Variants in KCNC4 observed in about 807,000 individuals in gnomAD.
KCNC4 encodes voltage-gated potassium channel KCNC4.
In KCNC4, 23 loss-of-function variants were observed where a neutral mutation model predicts 42.8. The observed-to-expected ratio is 0.54, with a 90% CI of 0.39 to 0.76. KCNC4 has a LOEUF of 0.76. KCNC4 is among the 30% of genes least tolerant of loss of function. The pLI, the probability that KCNC4 is intolerant of heterozygous loss-of-function variation, is 0.00. For synonymous variants in KCNC4, 422 were observed against 393.5 expected (o/e 1.07, Z -0.86); for missense variants, 751 against 898.2 (o/e 0.84, Z 2.10).
intron 1 of KCNC4, among the ~76,000 whole-genome samples, chr1:110,276,299 C>CAAAAAAAAAAAAAAAAAAAA (rs3062031): frequency 2.0e-5 from 2 of 98,896 alleles, no homozygotes; most frequent in Non-Finnish European, 2.1e-5. Flanking sequence ...TCAATTTATA[C>CAAAAAAAAAAAAAAAAAAAA]AAAAAAAAAA....
rs889016645 is a variant in KCNC4 at position 110,210,729 on chromosome 1, C to A, written c.-771C>A. ...CGGCCCCCGCAGCGCTGCGCCCGGT[C>A]CGGCGCAGCTCCCAGCCGCGGACGC... On this transcript the variant is annotated 5_prime_UTR_variant, in exon 1 of 4. Transcript: ENST00000438661. Among the ~76,000 whole-genome samples, 1 of 151,378 alleles carries A rather than the reference C, an allele frequency of 6.6e-6. No homozygotes were observed. Among genetic ancestry groups the A allele is most frequent in the Admixed American group, 6.6e-5 (1 of 15,194 alleles).
At chr1:110,270,460 T>G (rs1171039483) in intron 1 of KCNC4, among the ~76,000 whole-genome samples, 1 of 152,220 alleles carries the variant, frequency 6.6e-6, no homozygotes, top group East Asian at 1.9e-4. Flanking sequence ...GAGGCTATAC[T>G]AATAATCTCA....
chr1:110,258,975 C>T (rs560535381), intron 1 of KCNC4, among the ~76,000 whole-genome samples: 4 of 152,328 alleles, frequency 2.6e-5, no homozygotes, highest in African/African-American at 7.2e-5. Flanking sequence ...GCTGCATGCC[C>T]ATCTGGACTC....
intron 1 of KCNC4, 75 bp from the exon 2 acceptor site, chr1:110,222,889 A>C: frequency 9.1e-7 from 1 of 1,099,824 alleles, no homozygotes; most frequent in South Asian, 1.4e-5. Context: ...ACCTTCATGC[A>C]GAAGTCCACG....
At chr1:110,261,061 A>G (rs761347544) in intron 1 of KCNC4, among the ~76,000 whole-genome samples, 5 of 152,254 alleles carry the variant, frequency 3.3e-5, no homozygotes, top group Non-Finnish European at 5.9e-5. Context: ...AAATTTCCCA[A>G]TTAGTAAGAT....
chr1:110,236,793 C>A (rs1010750735), downstream of KCNC4: 42 of 152,266 alleles, frequency 2.8e-4, no homozygotes, highest in African/African-American at 9.1e-4. Flanking sequence ...AACCTGATCC[C>A]AACTACCAGG....
chr1:110,280,426 G>A (rs915711319), intron 1 of KCNC4, among the ~76,000 whole-genome samples: 1 of 152,054 alleles, frequency 6.6e-6, no homozygotes, highest in Non-Finnish European at 1.5e-5. Context: ...GCTAAGGGAA[G>A]GTGTCTTCCC....
intron 1 of KCNC4, among the ~76,000 whole-genome samples, chr1:110,265,228 A>G (rs1557873940): frequency 1.3e-5 from 2 of 151,986 alleles, no homozygotes; most frequent in Non-Finnish European, 2.9e-5. Context: ...TCAGAGAAAG[A>G]TCTCGTTTAT....
chr1:110,244,764 G>A (rs1167679916), exon 4 of KCNC4: 2 of 152,246 alleles, frequency 1.3e-5, no homozygotes, highest in African/African-American at 4.8e-5. Context: ...TAGAATTCAG[G>A]TCAGCTCTAC....
At chr1:110,281,081 G>A (rs1019589375) in intron 1 of KCNC4, among the ~76,000 whole-genome samples, 12 of 152,060 alleles carry the variant, frequency 7.9e-5, no homozygotes, top group African/African-American at 2.4e-4. Flanking sequence ...GTGGTGGTGC[G>A]GGGGCTTCTG....
intron 1 of KCNC4, among the ~76,000 whole-genome samples, chr1:110,270,972 C>G (rs1052437892): frequency 6.6e-6 from 1 of 152,192 alleles, no homozygotes. Context: ...ATGGAACCCT[C>G]TTGAAAGATC....
chr1:110,277,473 C>T (rs1659745088), intron 1 of KCNC4, among the ~76,000 whole-genome samples: 1 of 152,324 alleles, frequency 6.6e-6, no homozygotes, highest in South Asian at 2.1e-4. Context: ...AGCTCATCTG[C>T]TACCAACCTT....
At chr1:110,280,499 CAGTCTACA>C (rs1659803210) in intron 1 of KCNC4, among the ~76,000 whole-genome samples, 1 of 151,970 alleles carries the variant, frequency 6.6e-6, no homozygotes, top group African/African-American at 2.4e-5. Flanking sequence ...AACAGGTCCT[CAGTCTACA>C]ACTCTGCGAA....
rs115440162 is a variant in KCNC4 at position 110,224,433 on chromosome 1, G to A, written c.1615+533G>A. The A allele has an allele frequency of 7.0e-3, 1,091 of 155,404 alleles. 15 individuals carry two copies. Among genetic ancestry groups the A allele is most frequent in the African/African-American group, 0.024 (1,016 of 41,572 alleles). The allele number at this position is 155,404 out of a possible 1,614,324, so 9.6% of individuals were successfully genotyped here. A position where few individuals can be genotyped will look rare whatever the true frequency, so the allele number is the denominator to read the frequency against. Reference sequence around the variant, plus strand: ...ATGAATCACTTCTTTGCAAACGTTCGAGTCTGGTATCTTGGCCTAATAAAT... The same window carrying A: ...ATGAATCACTTCTTTGCAAACGTTCAAGTCTGGTATCTTGGCCTAATAAAT... On this transcript the variant is annotated intron_variant, in intron 2 of 3. Coordinates refer to ENST00000438661, the MANE Select transcript of KCNC4 (RefSeq NM_001039574.3).
chr1:110,237,855 C>CA (rs1268215483), downstream of KCNC4: 1 of 152,316 alleles, frequency 6.6e-6, no homozygotes, highest in Non-Finnish European at 1.5e-5. Flanking sequence ...GTTGTGATGC[C>CA]ATCCAGTGCC....
At chr1:110,232,719 A>G (rs774932957) in intron 3 of KCNC4, 192 bp from the exon 4 acceptor site, 86 of 1,508,414 alleles carry the variant, frequency 5.7e-5, no homozygotes, top group Non-Finnish European at 7.2e-5. Context: ...TGGGTTCCTC[A>G]TGCCTTCCAG....
In KCNC4 at chr1:110,223,373, A is replaced by G; in HGVS notation, c.1088A>G (p.His363Arg). The change falls in exon 2 of 4, where the codon CAC becomes CGC. Residue 363 changes from histidine (H) to arginine (R), a missense_variant. This residue lies in a region of KCNC4 where 185 missense variants were observed against 293.7 expected (regional missense o/e 0.63). Transcript: ENST00000438661. This position sits in a 1 kb window ranked among gnomAD's most constrained non-coding sequence, Gnocchi z 7.5. ...RILRIFKLTR[H>R]FVGLRVLGHT... is the part of the protein sequence containing the mutation. ...CTGCGTATCTTCAAGCTCACACGCC[A>G]CTTCGTGGGGCTACGCGTGCTGGGC... The G allele has an allele frequency of 1.2e-6, 2 of 1,613,768 alleles. No homozygotes were observed. The highest frequency in any genetic ancestry group is 1.1e-5 in the South Asian group (1 of 91,086).
chr1:110,223,775 C>A lies in KCNC4; in HGVS notation c.1490C>A (p.Pro497Gln), dbSNP rs1267697877. 1.9e-6 allele frequency: 3 copies of A among 1,614,152 alleles called. No individual in the cohort carries two copies. The South Asian group carries it at 3.3e-5, about 18-fold the overall frequency. ...KLPKKRKKHV[P>Q]RPAQLESPMY... ...CCCAAGAAACGGAAGAAGCACGTGC[C>A]ACGGCCGGCGCAGCTGGAGTCACCC... Residue 497 changes from proline to glutamine, a missense_variant, in exon 2 of 4, where the codon CCA (proline) becomes CAA (glutamine). Transcript: ENST00000438661. The surrounding 1 kb of genome is among the most constrained non-coding windows in gnomAD (Gnocchi z 7.5).
intron 1 of KCNC4, among the ~76,000 whole-genome samples, chr1:110,218,944 T>A (rs1657953731): frequency 6.6e-6 from 1 of 152,172 alleles, no homozygotes; most frequent in Admixed American, 6.5e-5. Flanking sequence ...TCCAGGGTGC[T>A]GAGACCCTCC....
Sources: gnomAD v4.1 joint callset for allele counts (sites outside exome capture counted in the v4.1 genomes callset) on GRCh38, gnomAD v4.1.1 for gene constraint, gnomAD v4.1.1 regional missense constraint, Gnocchi (gnomAD v3.1) non-coding constraint, MANE v1.5 for transcripts, NCBI Gene and HGNC (gene_info 2026-07-23, HGNC 2026-07-21) for gene names.